ADGRB3: variants seen among roughly 807,000 people sequenced by gnomAD.
ADGRB3 encodes brain-specific angiogenesis inhibitor 3.
ADGRB3 carries 37 observed loss-of-function variants against 193.4 expected under a neutral mutation model. The ratio of observed to expected loss-of-function variants is 0.19; its 90% CI spans 0.15 to 0.25. The LOEUF is 0.25. ADGRB3 is among the 10% of genes least tolerant of loss of function. The probability of loss-of-function intolerance (pLI) is 1.00; values close to 1 mark genes in which losing one functional copy is unlikely to be tolerated. For missense variants in ADGRB3, 1,637 were observed against 1,852.9 expected (o/e 0.88, Z 2.14); for synonymous variants, 690 against 644.2 (o/e 1.07, Z -1.08).
chr6:68,939,841 C>T (rs1767587623), intron 5 of ADGRB3, among the ~76,000 whole-genome samples: 1 of 152,172 alleles, frequency 6.6e-6, no homozygotes, highest in Admixed American at 6.5e-5. Flanking sequence ...AAATCAGTAA[C>T]TGATTTGTCA....
chr6:68,839,297 C>A (rs905278569), intron 3 of ADGRB3, among the ~76,000 whole-genome samples: 3 of 152,180 alleles, frequency 2.0e-5, no homozygotes, highest in African/African-American at 7.2e-5. Flanking sequence ...CATTCCTCTG[C>A]TCCAGTGTTG....
intron 19 of ADGRB3, among the ~76,000 whole-genome samples, chr6:69,238,143 TC>T (rs1333011058): frequency 1.3e-5 from 2 of 151,988 alleles, no homozygotes; most frequent in Non-Finnish European, 2.9e-5. Context: ...ATTTTTACCT[TC>T]CAGAGTGCCT....
intron 3 of ADGRB3, among the ~76,000 whole-genome samples, chr6:68,907,927 C>A (rs1190417324): frequency 6.6e-6 from 1 of 151,792 alleles, no homozygotes; most frequent in African/African-American, 2.4e-5. Context: ...ACAAACCCTT[C>A]AATGTCTATG....
intron 11 of ADGRB3, among the ~76,000 whole-genome samples, chr6:69,002,294 C>G (rs1289561677): frequency 1.3e-5 from 2 of 150,812 alleles, no homozygotes; most frequent in Non-Finnish European, 2.9e-5. Context: ...TCTCGGCTCA[C>G]TGCAACCTCC....
At chr6:68,800,383 T>A (rs970965338) in intron 3 of ADGRB3, among the ~76,000 whole-genome samples, 2 of 152,110 alleles carry the variant, frequency 1.3e-5, no homozygotes, top group Non-Finnish European at 2.9e-5. Flanking sequence ...GTCTGTCAGA[T>A]GTGTGTTTGA....
At chr6:68,846,613 C>T (rs750431061) in intron 3 of ADGRB3, among the ~76,000 whole-genome samples, 6 of 152,224 alleles carry the variant, frequency 3.9e-5, no homozygotes, top group Non-Finnish European at 7.3e-5. Context: ...AAGCCCAAAA[C>T]CTTGGCAGCT....
At chr6:68,832,218 T>C (rs1029118635) in intron 3 of ADGRB3, among the ~76,000 whole-genome samples, 43 of 152,160 alleles carry the variant, frequency 2.8e-4, no homozygotes, top group African/African-American at 9.2e-4. Context: ...CAGAAAGTAT[T>C]ATTAAATAAT....
intron 8 of ADGRB3, among the ~76,000 whole-genome samples, chr6:68,973,034 CAA>C (rs1768633574): frequency 1.3e-5 from 2 of 151,906 alleles, no homozygotes; most frequent in African/African-American, 4.8e-5. Flanking sequence ...CTCCACCAAG[CAA>C]AGAGGACACA....
intron 17 of ADGRB3, among the ~76,000 whole-genome samples, chr6:69,210,373 C>T (rs1248548913): frequency 4.6e-5 from 7 of 151,466 alleles, no homozygotes; most frequent in East Asian, 3.9e-4. Context: ...TCTCTGCCTA[C>T]TTCATATTCT....
chr6:68,877,514 C>T (rs1765626634), intron 3 of ADGRB3, among the ~76,000 whole-genome samples: 1 of 151,962 alleles, frequency 6.6e-6, no homozygotes, highest in African/African-American at 2.4e-5. Context: ...ATTTGCATGG[C>T]CATTTGTTCA....
intron 17 of ADGRB3, among the ~76,000 whole-genome samples, chr6:69,154,465 C>T (rs749731070): frequency 1.3e-5 from 2 of 152,180 alleles, no homozygotes; most frequent in East Asian, 3.8e-4. Flanking sequence ...CTTGTCATTA[C>T]GGTAGTCAAC....
intron 20 of ADGRB3, among the ~76,000 whole-genome samples, chr6:69,262,351 A>C (rs1055811315): frequency 1.3e-5 from 2 of 152,044 alleles, no homozygotes; most frequent in South Asian, 4.1e-4. Flanking sequence ...ACTTGAAAGC[A>C]TGTGAAACTC....
At chr6:68,985,418 A>G (rs896656383) in intron 10 of ADGRB3, among the ~76,000 whole-genome samples, 1 of 152,180 alleles carries the variant, frequency 6.6e-6, no homozygotes, top group Admixed American at 6.5e-5. Context: ...AAAGAAGTAA[A>G]ATGACTGTTA....
intron 26 of ADGRB3, among the ~76,000 whole-genome samples, chr6:69,348,384 C>A (rs1318654764): frequency 6.6e-6 from 1 of 151,728 alleles, no homozygotes; most frequent in African/African-American, 2.4e-5. Flanking sequence ...CAGTGGCTCA[C>A]GCCTGCAATC....
intron 17 of ADGRB3, among the ~76,000 whole-genome samples, chr6:69,178,789 T>C (rs6455311): frequency 1.5e-3 from 230 of 152,318 alleles, no homozygotes; most frequent in African/African-American, 5.1e-3. Context: ...CAGTCTCTAT[T>C]GGTTTATAAG....
intron 3 of ADGRB3, among the ~76,000 whole-genome samples, chr6:68,750,416 G>T (rs998016857): frequency 2.6e-5 from 4 of 152,112 alleles, no homozygotes; most frequent in African/African-American, 9.7e-5. Context: ...ATTTTGTATT[G>T]CTGGGGGTTT....
At chr6:68,753,899 A>G (rs900154144) in intron 3 of ADGRB3, among the ~76,000 whole-genome samples, 1 of 152,166 alleles carries the variant, frequency 6.6e-6, no homozygotes, top group African/African-American at 2.4e-5. Flanking sequence ...TTGAAGGCAC[A>G]AAGTCATTTT....
chr6:68,905,166 G>A (rs1225720605), intron 3 of ADGRB3, among the ~76,000 whole-genome samples: 2 of 152,036 alleles, frequency 1.3e-5, no homozygotes, highest in African/African-American at 2.4e-5. Context: ...ATTATATAAC[G>A]ATCTGTTTTA....
intron 16 of ADGRB3, among the ~76,000 whole-genome samples, chr6:69,072,062 G>T (rs1462178254): frequency 6.6e-6 from 1 of 151,768 alleles, no homozygotes; most frequent in Non-Finnish European, 1.5e-5. Context: ...TGGTTGCTTT[G>T]TTTTCCGTGT....
Sources: gnomAD v4.1 joint callset for allele counts (sites outside exome capture counted in the v4.1 genomes callset) on GRCh38, gnomAD v4.1.1 for gene constraint, MANE v1.5 for transcripts, NCBI Gene and HGNC (gene_info 2026-07-23, HGNC 2026-07-21) for gene names.